SGK3: variants seen among roughly 807,000 people sequenced by gnomAD.
SGK3 encodes the protein serine/threonine-protein kinase Sgk3.
Under a neutral mutation model 68.5 loss-of-function variants are expected in SGK3, and 47 were observed. The ratio of observed to expected loss-of-function variants is 0.69; its 90% CI spans 0.54 to 0.87. The LOEUF (loss-of-function observed/expected upper bound fraction) is 0.87. Ranked by LOEUF, SGK3 falls within the 40% of genes least tolerant of loss-of-function variation. The probability of loss-of-function intolerance (pLI) is 0.00; values close to 1 mark genes in which losing one functional copy is unlikely to be tolerated. For synonymous variants in SGK3, 181 were observed against 189.1 expected (o/e 0.96, Z 0.35); for missense variants, 479 against 575.5 (o/e 0.83, Z 1.72).
chr8:66,739,400 TA>T (rs1472973954), intron 1 of SGK3, among the ~76,000 whole-genome samples: 5 of 152,078 alleles, frequency 3.3e-5, no homozygotes, highest in African/African-American at 1.2e-4. Context: ...TTTATTTATT[TA>T]TTTATTTTTT....
At chr8:66,804,224 A>G (rs1430180977) in intron 3 of SGK3, 151 bp from the exon 4 acceptor site, 4 of 619,434 alleles carry the variant, frequency 6.5e-6, no homozygotes, top group Non-Finnish European at 1.0e-5. Flanking sequence ...TTTTATTGGT[A>G]TAATTTATGT....
chr8:66,785,044 G>C (rs1807144257), intron 1 of SGK3, among the ~76,000 whole-genome samples: 1 of 152,164 alleles, frequency 6.6e-6, no homozygotes, highest in Non-Finnish European at 1.5e-5. Context: ...TTTCAAGAAA[G>C]GGAAGCCAGG....
rs1461803227 is a variant in SGK3, at chr8:66,813,968, T to G, written c.329+40T>G. The G allele has an allele frequency of 4.7e-6, 7 of 1,494,668 alleles. No homozygotes were observed. The South Asian group carries it at 8.0e-5, about 17-fold the overall frequency. The allele number at this position is 1,494,668 out of a possible 1,614,324, so 92.6% of individuals were successfully genotyped here. ...TTGCGTTCTAAAGGGACATTAAAAC[T>G]AAACCTAAGAATACTGAATAATCCT... is the stretch of plus-strand genomic sequence containing the variant. On this transcript the variant is annotated intron_variant, in intron 5 of 16. Transcript: ENST00000521198.
chr8:66,814,597 G>A (rs1276382193), intron 5 of SGK3, among the ~76,000 whole-genome samples: 3 of 152,172 alleles, frequency 2.0e-5, no homozygotes, highest in Non-Finnish European at 2.9e-5. Flanking sequence ...GTCTGGGGTT[G>A]GGTGCACATG....
At chr8:66,734,103 A>C (rs1805243585) in intron 1 of SGK3, among the ~76,000 whole-genome samples, 1 of 152,220 alleles carries the variant, frequency 6.6e-6, no homozygotes, top group African/African-American at 2.4e-5. Context: ...AATGTGGCTC[A>C]GATCATGCAA....
chr8:66,735,852 T>C (rs981952033), intron 1 of SGK3, among the ~76,000 whole-genome samples: 9 of 152,250 alleles, frequency 5.9e-5, no homozygotes, highest in African/African-American at 2.2e-4. Flanking sequence ...CTTTCTGTGA[T>C]TAAAGAATGA....
intron 16 of SGK3, among the ~76,000 whole-genome samples, chr8:66,853,058 A>G (rs1810357254): frequency 6.6e-6 from 1 of 152,176 alleles, no homozygotes; most frequent in South Asian, 2.1e-4. Flanking sequence ...TTCTTTCACA[A>G]CATGAGCTTT....
At chr8:66,715,830 G>A (rs1189175127) in intron 1 of SGK3, among the ~76,000 whole-genome samples, 1 of 152,164 alleles carries the variant, frequency 6.6e-6, no homozygotes, top group Non-Finnish European at 1.5e-5. Context: ...ATTGAGAAGA[G>A]TTATCAGGGA....
chr8:66,816,345 T>A (rs971028625), intron 5 of SGK3, among the ~76,000 whole-genome samples: 30 of 147,122 alleles, frequency 2.0e-4, no homozygotes, highest in African/African-American at 7.3e-4. Context: ...TCCTTTTTTT[T>A]TTTTTTTTTT....
intron 1 of SGK3, among the ~76,000 whole-genome samples, chr8:66,746,363 A>G (rs2130417734): frequency 6.6e-6 from 1 of 152,296 alleles, no homozygotes; most frequent in African/African-American, 2.4e-5. Flanking sequence ...CAACATTTCA[A>G]AACAAGTCAT....
chr8:66,794,503 G>A (rs1807594773), intron 2 of SGK3, among the ~76,000 whole-genome samples: 1 of 150,184 alleles, frequency 6.7e-6, no homozygotes, highest in Non-Finnish European at 1.5e-5. Flanking sequence ...CACTTATTGT[G>A]TCTATTACTG....
chr8:66,787,514 T>C (rs545222588), intron 1 of SGK3, among the ~76,000 whole-genome samples: 64 of 152,106 alleles, frequency 4.2e-4, no homozygotes, highest in Non-Finnish European at 6.0e-4. Context: ...GTCTTTTCTG[T>C]TGGGGTTGGG....
rs569028958 is a variant in SGK3, at chr8:66,843,595, A to T, written c.1074+48A>T. ...ATTCCAATGTATTATCATTGATTTG[A>T]TTGTCTGTCTGTCTCTCCCACCTTA... On this transcript the variant is annotated intron_variant, in intron 14 of 16. Transcript: ENST00000521198. 13 of 1,566,056 alleles carry T rather than the reference A, an allele frequency of 8.3e-6. No homozygotes were observed. In the East Asian group the frequency reaches 2.5e-4, roughly 30 times the overall value.
intron 1 of SGK3, among the ~76,000 whole-genome samples, chr8:66,715,442 G>T (rs1223087606): frequency 6.6e-6 from 1 of 152,004 alleles, no homozygotes; most frequent in Admixed American, 6.6e-5. Flanking sequence ...GTTTTTAGTA[G>T]AGACAGGGTT....
At chr8:66,803,820 CT>C (rs909558597) in intron 3 of SGK3, among the ~76,000 whole-genome samples, 9 of 148,024 alleles carry the variant, frequency 6.1e-5, no homozygotes, top group Admixed American at 6.8e-5. Context: ...CCATGCCTGG[CT>C]TTTTTTTTTA....
At chr8:66,760,232 C>G (rs1160095847) in intron 1 of SGK3, among the ~76,000 whole-genome samples, 2 of 151,480 alleles carry the variant, frequency 1.3e-5, no homozygotes, top group African/African-American at 4.9e-5. Context: ...TTCCAAAGCT[C>G]TACATTTGGC....
At chr8:66,745,589 C>A (rs796556641) in intron 1 of SGK3, among the ~76,000 whole-genome samples, 8 of 145,704 alleles carry the variant, frequency 5.5e-5, no homozygotes, top group African/African-American at 2.2e-4. Context: ...AAAAACAAAA[C>A]AAAACAAAAA....
chr8:66,851,023 C>T (rs1432063706), intron 16 of SGK3, 103 bp downstream of exon 16: 9 of 1,220,062 alleles, frequency 7.4e-6, no homozygotes, highest in Non-Finnish European at 1.0e-5. Flanking sequence ...TAAATGGAGT[C>T]ATTACCTAAA....
At position 66,851,019 on chromosome 8, in the gene SGK3, G is replaced by C. The variant is rs939559876; in HGVS notation, c.1320+99G>C. Reference sequence around the variant, plus strand: ...ATCTCAGAATCACCTGAATTAAATGGAGTCATTACCTAAATATTTGTGAAA... The same window carrying C: ...ATCTCAGAATCACCTGAATTAAATGCAGTCATTACCTAAATATTTGTGAAA... On this transcript the variant is annotated intron_variant, in intron 16 of 16. Transcript: ENST00000521198. 9 of 1,257,348 alleles carry C rather than the reference G, an allele frequency of 7.2e-6. No homozygotes were observed. The African/African-American group carries it at 1.2e-4, about 17-fold the overall frequency. The allele number at this position is 1,257,348 out of a possible 1,614,324, so 77.9% of individuals were successfully genotyped here.
Sources: gnomAD v4.1 joint callset for allele counts (sites outside exome capture counted in the v4.1 genomes callset) on GRCh38, gnomAD v4.1.1 for gene constraint, MANE v1.5 for transcripts, NCBI Gene and HGNC (gene_info 2026-07-23, HGNC 2026-07-21) for gene names.